DNAH8: variants seen among roughly 807,000 people sequenced by gnomAD.
DNAH8 encodes the protein dynein axonemal heavy chain 8.
Under a neutral mutation model 562.1 loss-of-function variants are expected in DNAH8, and 382 were observed. The ratio of observed to expected loss-of-function variants is 0.68; its 90% CI spans 0.63 to 0.74. The LOEUF is 0.74. Among genes scored for constraint, DNAH8 ranks in the 30% least tolerant of loss-of-function variants. The pLI is 0.00. For missense variants in DNAH8, 5,203 were observed against 5,620.4 expected (o/e 0.93, Z 2.37); for synonymous variants, 1,881 against 1,919.4 (o/e 0.98, Z 0.52).
At position 38,775,788 on chromosome 6, in the gene DNAH8, C is replaced by T; in HGVS notation, c.1799C>T (p.Ser600Leu). The T allele has an allele frequency of 6.3e-7, 1 of 1,595,804 alleles. No individual in the cohort carries two copies. The highest frequency in any genetic ancestry group is 8.6e-7 in the Non-Finnish European group (1 of 1,164,214). Residue 600 changes from serine to leucine, a missense_variant, in exon 13 of 93, where the codon TCA (serine) becomes TTA (leucine). By Grantham distance (145) the Ser-to-Leu change is moderately radical. Transcript: ENST00000327475. ...TEMITVVQTYSTLSNSTIEGI... is the reference protein window; with the variant it reads ...TEMITVVQTYLTLSNSTIEGI... ...ATGATAACTGTTGTGCAAACATATT[C>T]AACCTTGAGTAATTCTACCATAGAA...
At chr6:38,802,711 G>A (rs79495497) in intron 21 of DNAH8, among the ~76,000 whole-genome samples, 8 of 152,316 alleles carry the variant, frequency 5.3e-5, no homozygotes, top group African/African-American at 1.9e-4. Flanking sequence ...CAAGATCAGT[G>A]TTTAACTAAA....
At chr6:38,891,155 C>T (rs1779316437) in intron 58 of DNAH8, among the ~76,000 whole-genome samples, 1 of 152,178 alleles carries the variant, frequency 6.6e-6, no homozygotes, top group Non-Finnish European at 1.5e-5. Context: ...ATATTCTCAG[C>T]CAACTAGGAC....
chr6:39,019,683 A>C (rs1214491931), intron 91 of DNAH8, among the ~76,000 whole-genome samples: 1 of 152,192 alleles, frequency 6.6e-6, no homozygotes, highest in Non-Finnish European at 1.5e-5. Context: ...TAAATGAAGA[A>C]AAGGGATGGA....
chr6:39,023,137 G>A (rs984840640), intron 91 of DNAH8, among the ~76,000 whole-genome samples: 1 of 152,154 alleles, frequency 6.6e-6, no homozygotes, highest in Non-Finnish European at 1.5e-5. Flanking sequence ...TTAAACATAT[G>A]AACATAGGAA....
chr6:38,785,778 G>T (rs1769106894), intron 17 of DNAH8, among the ~76,000 whole-genome samples: 1 of 152,084 alleles, frequency 6.6e-6, no homozygotes, highest in African/African-American at 2.4e-5. Flanking sequence ...ATCTTAAAAA[G>T]ATTCTAAGCG....
Position 38,951,497 on chromosome 6 carries a change from C to T in DNAH8, c.12428C>T (p.Ala4143Val). ...MGSDPTNQID[A>V]LAKKLKLECR... ...TCTGACCCCACCAATCAAATTGATG[C>T]ATTGGCCAAGAAACTGAAACTGGGT... Residue 4143 changes from alanine to valine, a missense_variant, in exon 82 of 93, where the codon GCA (alanine) becomes GTA (valine). Physicochemically the swap from Ala to Val is moderately conservative, Grantham distance 64. This residue lies in a region of DNAH8 where 1,399 missense variants were observed against 1,518.4 expected (regional missense o/e 0.92). Transcript: ENST00000327475. 1 of 1,613,956 alleles carries T rather than the reference C, an allele frequency of 6.2e-7. No individual in the cohort carries two copies. The highest frequency in any genetic ancestry group is 1.1e-5 in the South Asian group (1 of 91,014).
chr6:38,965,760 G>A (rs929846009), intron 82 of DNAH8, among the ~76,000 whole-genome samples: 64 of 152,062 alleles, frequency 4.2e-4, no homozygotes, highest in Non-Finnish European at 1.5e-5. Flanking sequence ...CCCCCCACCT[G>A]TAAAAACTCA....
chr6:38,862,438 G>T lies in DNAH8; in HGVS notation c.6290G>T (p.Gly2097Val). 6.2e-7 allele frequency: 1 copy of T among 1,608,042 alleles called. No individual in the cohort carries two copies. The highest frequency in any genetic ancestry group is 8.5e-7 in the Non-Finnish European group (1 of 1,177,948). The change falls in exon 44 of 93, where the codon GGC (glycine) becomes GTC (valine). Residue 2097 changes from glycine to valine, a missense_variant. Transcript: ENST00000327475. ...TGCTCAGATCAAATGGATTTCAGAGGCCTAGGAAGGATTTTCAAAGGCAAG... is the reference window on the plus strand; with the variant it reads ...TGCTCAGATCAAATGGATTTCAGAGTCCTAGGAAGGATTTTCAAAGGCAAG... ...FNCSDQMDFR[G>V]LGRIFKGLAQ... is the part of the protein sequence containing the mutation.
Position 38,778,391 on chromosome 6 carries a change from CA to C in DNAH8, c.1969del (p.Ile657TyrfsTer5). On this transcript the variant is annotated frameshift_variant, in exon 14 of 93. Transcript: ENST00000327475. LOFTEE classifies it high-confidence loss of function. Reference protein sequence around the residue: ...FMTKINGLEVQIQAFMNSSFG... With the variant: ...FMTKINGLEVXIQAFMNSSFG... ...AAATATTAATATTTTATTTTAGGTA[CA>C]AATACAGGCATTTATGAACAGTAGT... 1 of 1,524,606 alleles carries C rather than the reference CA, an allele frequency of 6.6e-7. No individual in the cohort carries two copies. The highest frequency in any genetic ancestry group is 9.0e-7 in the Non-Finnish European group (1 of 1,106,870). 94.4% of individuals were successfully genotyped at this position (1,524,606 alleles called of 1,614,324 possible). A position where few individuals can be genotyped will look rare whatever the true frequency, so the allele number is the denominator to read the frequency against.
At chr6:38,761,479 A>G (rs1251588392) in intron 10 of DNAH8, among the ~76,000 whole-genome samples, 1 of 151,094 alleles carries the variant, frequency 6.6e-6, no homozygotes, top group African/African-American at 2.4e-5. Flanking sequence ...TTTTATTTTT[A>G]GAGACAGGGT....
In DNAH8 at chr6:38,803,044, G is replaced by A. The variant is rs988231032; in HGVS notation, c.2902-135G>A. On this transcript the variant is annotated intron_variant, in intron 21 of 92. Transcript: ENST00000327475. ...GACAATTTTGAATCTGAAGCATTAT[G>A]CCATTTTCAGCTATCTCTAGCTTTT... is the stretch of plus-strand genomic sequence containing the variant. 1.2e-5 allele frequency: 7 copies of A among 593,244 alleles called. No homozygotes were observed. The South Asian group carries it at 2.1e-4, about 18-fold the overall frequency. 36.7% of individuals were successfully genotyped at this position (593,244 alleles called of 1,614,324 possible).
At chr6:38,951,224 C>G in intron 81 of DNAH8, 94 bp from the exon 82 acceptor site, 1 of 1,077,810 alleles carries the variant, frequency 9.3e-7, no homozygotes, top group Non-Finnish European at 1.4e-6. Flanking sequence ...AACTTGTTGC[C>G]CTTTTGCTAA....
At chr6:39,000,310 A>T (rs553751082) in intron 88 of DNAH8, among the ~76,000 whole-genome samples, 1 of 152,322 alleles carries the variant, frequency 6.6e-6, no homozygotes, top group East Asian at 1.9e-4. Flanking sequence ...GGAGCAATCA[A>T]TTCCAATTTA....
At chr6:38,859,285 GC>G (rs1297307334) in intron 42 of DNAH8, among the ~76,000 whole-genome samples, 2 of 152,142 alleles carry the variant, frequency 1.3e-5, no homozygotes, top group African/African-American at 4.8e-5. Flanking sequence ...TGTGGGTGGG[GC>G]CAGACTGTGT....
rs764094245 is a variant in DNAH8, at chr6:38,872,735, A to G, written c.7190A>G (p.Asp2397Gly). 2 of 1,614,128 alleles carry G rather than the reference A, an allele frequency of 1.2e-6. No homozygotes were observed. Among genetic ancestry groups the G allele is most frequent in the South Asian group, 2.2e-5 (2 of 91,090 alleles). The stretch of plus-strand genomic sequence containing the variant: ...GACACTGCTACCAATGACTGGACAG[A>G]TGGGATTTTTTCTACTCTGTGGAGA... ...RLDTATNDWT[D>G]GIFSTLWRKT... The change falls in exon 50 of 93, where the codon GAT becomes GGT. Residue 2397 changes from aspartate to glycine, a missense_variant. Coordinates refer to ENST00000327475, the MANE Select transcript of DNAH8 (RefSeq NM_001206927.2).
intron 21 of DNAH8, among the ~76,000 whole-genome samples, chr6:38,800,258 T>C (rs895508964): frequency 6.6e-6 from 1 of 152,078 alleles, no homozygotes; most frequent in African/African-American, 2.4e-5. Flanking sequence ...CTTGGGTATG[T>C]ATACCTAGGA....
chr6:38,782,247 T>G (rs1036775749), intron 16 of DNAH8, among the ~76,000 whole-genome samples: 3 of 150,056 alleles, frequency 2.0e-5, no homozygotes, highest in Admixed American at 6.7e-5. Context: ...CTTTTGATTT[T>G]TAAATAAAGA....
intron 66 of DNAH8, among the ~76,000 whole-genome samples, chr6:38,912,040 A>T (rs745362454): frequency 6.6e-6 from 1 of 152,378 alleles, no homozygotes; most frequent in South Asian, 2.1e-4. Context: ...GTACCTAAGC[A>T]AGAGTTTTCC....
chr6:38,861,883 T>G (rs1413938329), intron 43 of DNAH8, among the ~76,000 whole-genome samples: 23 of 152,076 alleles, frequency 1.5e-4, no homozygotes, highest in Admixed American at 1.5e-3. Flanking sequence ...GATATCACAT[T>G]GGTAGCTTGC....
Sources: allele counts gnomAD v4.1 joint callset (sites outside exome capture counted in the v4.1 genomes callset), GRCh38; gene constraint gnomAD v4.1.1; regional missense constraint gnomAD v4.1.1; transcripts MANE v1.5; gene names NCBI Gene and HGNC (gene_info 2026-07-23, HGNC 2026-07-21).